Variants in MTSS2 observed in about 807,000 individuals in gnomAD.
MTSS2 encodes MTSS I-BAR domain containing 2.
MTSS2 carries 27 observed loss-of-function variants against 67.1 expected under a neutral mutation model. That is an observed-to-expected ratio of 0.40 (90% CI 0.30 to 0.55). The LOEUF (loss-of-function observed/expected upper bound fraction) is 0.55. Among genes scored for constraint, MTSS2 ranks in the 20% least tolerant of loss-of-function variants. The probability of loss-of-function intolerance (pLI) is 0.43; values close to 1 mark genes in which losing one functional copy is unlikely to be tolerated. For missense variants in MTSS2, 1,171 were observed against 1,067.8 expected, an observed-to-expected ratio of 1.10 and a Z score of -1.35; for synonymous variants, 624 against 468.6, an observed-to-expected ratio of 1.33 and a Z score of -4.28.
rs2052559119 is a variant in MTSS2 at position 70,663,241 on chromosome 16, G to GGGA, written c.*433_*435dup. The GGGA allele has an allele frequency of 5.7e-6, 1 of 175,718 alleles. No individual in the cohort carries two copies. Among genetic ancestry groups the GGGA allele is most frequent in the Non-Finnish European group, 1.2e-5 (1 of 83,454 alleles). 10.9% of individuals were successfully genotyped at this position (175,718 alleles called of 1,614,324 possible). A position where few individuals can be genotyped will look rare whatever the true frequency, so the allele number is the denominator to read the frequency against. On this transcript the variant is annotated 3_prime_UTR_variant, in exon 15 of 15. Coordinates refer to ENST00000338779, the MANE Select transcript of MTSS2 (RefSeq NM_138383.3). The stretch of plus-strand genomic sequence containing the variant: ...GGGAGAGGCAGAGAGAAGGCAAGAG[G>GGGA]GGAGGAGGGGGCTCAGGCAGGGGAG...
intron 4 of MTSS2, 38 bp downstream of exon 4, chr16:70,679,933 T>TCCCCCCCCCCCCCCCCCCC: frequency 1.7e-6 from 2 of 1,149,436 alleles, no homozygotes; most frequent in Non-Finnish European, 1.2e-6. Flanking sequence ...CGACGCCCCG[T>TCCCCCCCCCCCCCCCCCCC]CCCCCCGCCC....
chr16:70,680,671 G>A (rs1237714811), intron 3 of MTSS2, 123 bp downstream of exon 3: 3 of 831,388 alleles, frequency 3.6e-6, no homozygotes, highest in East Asian at 2.7e-5. Context: ...CTCCACTAAG[G>A]AGCAGAACTC....
At chr16:70,685,109 C>T (rs1054321056) in intron 1 of MTSS2, among the ~76,000 whole-genome samples, 1 of 151,942 alleles carries the variant, frequency 6.6e-6, no homozygotes, top group Non-Finnish European at 1.5e-5. Context: ...ACCTTCATCC[C>T]GCCTCCTCCC....
intron 11 of MTSS2, among the ~76,000 whole-genome samples, chr16:70,672,266 G>A (rs1253627196): frequency 6.8e-6 from 1 of 147,208 alleles, no homozygotes; most frequent in Non-Finnish European, 1.5e-5. Flanking sequence ...AGAATCACTT[G>A]AACCTGGGAG....
chr16:70,674,932 G>C (rs2053067315), intron 10 of MTSS2, among the ~76,000 whole-genome samples: 1 of 152,148 alleles, frequency 6.6e-6, no homozygotes, highest in Admixed American at 6.6e-5. Context: ...GGAGAACATA[G>C]CGAAACCCCA....
chr16:70,683,172 G>A (rs1413754863), intron 1 of MTSS2, among the ~76,000 whole-genome samples: 2 of 152,240 alleles, frequency 1.3e-5, no homozygotes, highest in Admixed American at 1.3e-4. Context: ...TGGTTCAGAT[G>A]TGGAGTGTGG....
chr16:70,679,643 C>A lies in MTSS2; in HGVS notation c.444G>T (p.Lys148Asn). The change falls in exon 6 of 15, where the codon AAG (lysine) becomes AAT (asparagine). Residue 148 changes from lysine to asparagine, a missense_variant. Lys to Asn is a moderately conservative substitution (Grantham distance 94, BLOSUM62 0). Transcript: ENST00000338779. ...GCCAGGCACTACCTTTGCGCGCCTT[C>A]TTCTGCAGCTTCAGCGTGTCCGACG... ...KKSSDTLKLQ[K>N]KARKELLGKG... 6.2e-7 allele frequency: 1 copy of A among 1,606,640 alleles called. No homozygotes were observed. Among genetic ancestry groups the A allele is most frequent in the Non-Finnish European group, 8.5e-7 (1 of 1,176,818 alleles).
intron 11 of MTSS2, among the ~76,000 whole-genome samples, chr16:70,666,432 G>A (rs562880206): frequency 6.6e-6 from 1 of 152,318 alleles, no homozygotes; most frequent in East Asian, 1.9e-4. Context: ...GGTAGACACA[G>A]GCCCATGAAA....
chr16:70,664,225 G>A lies in MTSS2; in HGVS notation c.1696C>T (p.Arg566Cys), dbSNP rs1597795293. The A allele has an allele frequency of 3.2e-6, 5 of 1,576,710 alleles. No homozygotes were observed. Among genetic ancestry groups the A allele is most frequent in the Non-Finnish European group, 4.3e-6 (5 of 1,166,970 alleles). The change falls in exon 15 of 15, where the codon CGC (arginine) becomes TGC (cysteine). Residue 566 changes from arginine to cysteine, a missense_variant. Arg to Cys is a radical substitution (Grantham distance 180). Coordinates refer to ENST00000338779, the MANE Select transcript of MTSS2 (RefSeq NM_138383.3). The stretch of plus-strand genomic sequence containing the variant: ...ACGGTGGGCTTGGTGGAGGGTGTGC[G>A]GCGGATGGTGGCCACGCCGGGGGGT... ...GAPPGVATIR[R>C]TPSTKPTVRR...
At chr16:70,679,436 C>T in intron 6 of MTSS2, 113 bp from the exon 7 acceptor site, 1 of 1,377,898 alleles carries the variant, frequency 7.3e-7, no homozygotes, top group Non-Finnish European at 1.0e-6. Flanking sequence ...CCTCCTGCTG[C>T]CTCCCATAGG....
At chr16:70,679,425 G>A in intron 6 of MTSS2, 102 bp from the exon 7 acceptor site, 1 of 1,392,260 alleles carries the variant, frequency 7.2e-7, no homozygotes, top group Non-Finnish European at 1.0e-6. Flanking sequence ...GGGTGCCTGG[G>A]CCTCCTGCTG....
At position 70,663,750 on chromosome 16, in the gene MTSS2, A is replaced by T; in HGVS notation, c.2171T>A (p.Leu724Gln). 5.1e-6 allele frequency: 8 copies of T among 1,567,510 alleles called. No homozygotes were observed. Among genetic ancestry groups the T allele is most frequent in the Non-Finnish European group, 6.9e-6 (8 of 1,159,698 alleles). The stretch of plus-strand genomic sequence containing the variant: ...CCGGACCCCACGCCGGATGGCCACC[A>T]GCATGTCTTCGGCCGGGGGGTCGCT... ...ATSDPPAEDMLVAIRRGVRLR... is the reference protein window; with the variant it reads ...ATSDPPAEDMQVAIRRGVRLR... The change falls in exon 15 of 15, where the codon CTG becomes CAG. Residue 724 changes from leucine to glutamine, a missense_variant. By Grantham distance (113) the Leu-to-Gln change is moderately radical. This residue lies in a region of MTSS2 where 924 missense variants were observed against 756.0 expected (regional missense o/e 1.22). Coordinates refer to ENST00000338779, the MANE Select transcript of MTSS2 (RefSeq NM_138383.3).
chr16:70,679,607 T>TG lies in MTSS2; in HGVS notation c.457+22dup, dbSNP rs761045658. 3.2e-6 allele frequency: 5 copies of TG among 1,580,208 alleles called. No homozygotes were observed. The South Asian group carries it at 4.6e-5, about 15-fold the overall frequency. On this transcript the variant is annotated intron_variant, in intron 6 of 14. Coordinates refer to ENST00000338779, the MANE Select transcript of MTSS2 (RefSeq NM_138383.3). ...TGGAGCGGGGCCGTGGGGCTGTGGC[T>TG]GGGGGGCCGCGCCAGGCACTACCTT...
Position 70,662,698 on chromosome 16 carries a change from C to G in MTSS2, c.*979G>C, listed in dbSNP as rs1306171770. 6.6e-6 allele frequency: 1 copy of G among 152,640 alleles called. No homozygotes were observed. Among genetic ancestry groups the G allele is most frequent in the Non-Finnish European group, 1.5e-5 (1 of 68,096 alleles). 9.5% of individuals were successfully genotyped at this position (152,640 alleles called of 1,614,324 possible). On this transcript the variant is annotated 3_prime_UTR_variant, in exon 15 of 15. Transcript: ENST00000338779. ...TCCCCCAGGCACTCCCAGACACACA[C>G]CCTGTATCGTCCCCTCTCCCCCACA...
chr16:70,664,287 G>C lies in MTSS2; in HGVS notation c.1634C>G (p.Ala545Gly). 3 of 1,563,252 alleles carry C rather than the reference G, an allele frequency of 1.9e-6. No individual in the cohort carries two copies. Among genetic ancestry groups the C allele is most frequent in the Non-Finnish European group, 2.6e-6 (3 of 1,161,586 alleles). ...RPASTAGLPT[A>G]GLPTATGLPS... is the part of the protein sequence containing the mutation. Reference sequence around the variant, plus strand: ...CAGGCCAGTGGCCGTGGGCAGCCCCGCGGTGGGCAGCCCAGCAGTGGAGGC... The same window carrying C: ...CAGGCCAGTGGCCGTGGGCAGCCCCCCGGTGGGCAGCCCAGCAGTGGAGGC... Residue 545 changes from alanine to glycine, a missense_variant, in exon 15 of 15, where the codon GCG becomes GGG. Coordinates refer to ENST00000338779, the MANE Select transcript of MTSS2 (RefSeq NM_138383.3).
intron 11 of MTSS2, among the ~76,000 whole-genome samples, chr16:70,668,814 G>A (rs900767757): frequency 2.0e-4 from 30 of 152,214 alleles, no homozygotes; most frequent in African/African-American, 6.5e-4. Flanking sequence ...ACCAGACACC[G>A]AATCTGCTGG....
chr16:70,679,544 A>C, intron 6 of MTSS2, 86 bp downstream of exon 6: 1 of 1,427,066 alleles, frequency 7.0e-7, no homozygotes. Context: ...TCTGGCTGGG[A>C]TGAAGGCTTT....
intron 12 of MTSS2, 149 bp downstream of exon 12, chr16:70,665,316 GC>G: frequency 1.0e-6 from 1 of 974,096 alleles, no homozygotes; most frequent in Non-Finnish European, 1.5e-6. Context: ...GTAGGAAATG[GC>G]CAGGTGGCTT....
At chr16:70,680,764 A>G in intron 3 of MTSS2, 30 bp downstream of exon 3, 1 of 1,547,452 alleles carries the variant, frequency 6.5e-7, no homozygotes, top group Non-Finnish European at 8.7e-7. Context: ...CCCTGGGGCA[A>G]CCCCAACCTC....
Sources: allele counts gnomAD v4.1 joint callset (sites outside exome capture counted in the v4.1 genomes callset), GRCh38; gene constraint gnomAD v4.1.1; regional missense constraint gnomAD v4.1.1; transcripts MANE v1.5; gene names NCBI Gene and HGNC (gene_info 2026-07-23, HGNC 2026-07-21).